Variants in GRID2 observed in about 807,000 individuals in gnomAD.
The protein encoded by GRID2 is glutamate ionotropic receptor delta type subunit 2.
Under a neutral mutation model 114.8 loss-of-function variants are expected in GRID2, and 33 were observed. The observed-to-expected ratio is 0.29, with a 90% CI of 0.22 to 0.38. The LOEUF is 0.38. Ranked by LOEUF, GRID2 falls within the 10% of genes least tolerant of loss-of-function variation. GRID2 has a pLI of 1.00. For missense variants in GRID2, 1,184 were observed against 1,257.7 expected (o/e 0.94, Z 0.89); for synonymous variants, 505 against 449.9 (o/e 1.12, Z -1.55).
chr4:92,530,104 G>C (rs978686119), intron 1 of GRID2, among the ~76,000 whole-genome samples: 3 of 151,846 alleles, frequency 2.0e-5, no homozygotes, highest in African/African-American at 7.3e-5. Flanking sequence ...TTTACTCTAG[G>C]TACTGATTTT....
chr4:92,698,469 T>A (rs907288084), intron 2 of GRID2, among the ~76,000 whole-genome samples: 1 of 151,874 alleles, frequency 6.6e-6, no homozygotes, highest in African/African-American at 2.4e-5. Flanking sequence ...AAGAAAAAAA[T>A]TAATAAAAAT....
intron 2 of GRID2, among the ~76,000 whole-genome samples, chr4:93,073,325 C>A (rs1560849667): frequency 6.6e-6 from 1 of 152,074 alleles, no homozygotes; most frequent in Non-Finnish European, 1.5e-5. Context: ...ATAATGTAAA[C>A]TTATGGTATT....
intron 9 of GRID2, among the ~76,000 whole-genome samples, chr4:93,407,987 C>A (rs2149348334): frequency 6.6e-6 from 1 of 152,032 alleles, no homozygotes; most frequent in East Asian, 1.9e-4. Flanking sequence ...ATGTACTTTG[C>A]AATTCAATTA....
rs540534441 is a variant in GRID2 at position 92,602,810 on chromosome 4, G to A, written c.244+12524G>A. On this transcript the variant is annotated intron_variant, in intron 2 of 15. Coordinates refer to ENST00000282020, the MANE Select transcript of GRID2 (RefSeq NM_001510.4). ...GATCTTCTATCTAGAAAACCCCATC[G>A]TCTTAGTCCAAAAGCTTCTTAAGCT... 3.0e-4 allele frequency among the ~76,000 whole-genome samples: 45 copies of A among 152,236 alleles called. No homozygotes were observed. In the South Asian group the frequency reaches 3.9e-3, roughly 13 times the overall value.
intron 13 of GRID2, among the ~76,000 whole-genome samples, chr4:93,569,015 C>T (rs1735691466): frequency 6.6e-6 from 1 of 152,110 alleles, no homozygotes; most frequent in Non-Finnish European, 1.5e-5. Flanking sequence ...GCTGCTTTGC[C>T]AAAATCCGAT....
chr4:92,955,443 G>A (rs1161018233), intron 2 of GRID2, among the ~76,000 whole-genome samples: 1 of 151,958 alleles, frequency 6.6e-6, no homozygotes, highest in Non-Finnish European at 1.5e-5. Flanking sequence ...CATGTCCTTT[G>A]CCCACTTTTT....
chr4:92,418,824 G>T (rs1731749233), intron 1 of GRID2, among the ~76,000 whole-genome samples: 1 of 151,906 alleles, frequency 6.6e-6, no homozygotes, highest in African/African-American at 2.4e-5. Flanking sequence ...CATTTCTCTG[G>T]CCTCATATTT....
At chr4:92,961,673 C>G (rs1446071515) in intron 2 of GRID2, among the ~76,000 whole-genome samples, 1 of 151,296 alleles carries the variant, frequency 6.6e-6, no homozygotes, top group East Asian at 2.0e-4. Flanking sequence ...ATCTTGCTTG[C>G]TGTTCTCTGA....
At chr4:92,364,648 A>G (rs1400551939) in intron 1 of GRID2, among the ~76,000 whole-genome samples, 1 of 152,010 alleles carries the variant, frequency 6.6e-6, no homozygotes, top group Non-Finnish European at 1.5e-5. Context: ...AGACTTACTG[A>G]TGATACCACC....
At chr4:92,704,744 T>TCTCC (rs1734872809) in intron 2 of GRID2, among the ~76,000 whole-genome samples, 2 of 147,538 alleles carry the variant, frequency 1.4e-5, no homozygotes, top group Admixed American at 1.4e-4. Flanking sequence ...TCTCTCTCTC[T>TCTCC]CCCTCCCTCT....
rs530136009 is a variant in GRID2 at position 93,301,421 on chromosome 4, G to A, written c.1245+62931G>A. The stretch of plus-strand genomic sequence containing the variant: ...ATTTTTTACTTTCAAGTTTAAACTG[G>A]GATTCGTTAAAAGTTAACATGAAGA... On this transcript the variant is annotated intron_variant, in intron 8 of 15. Coordinates refer to ENST00000282020, the MANE Select transcript of GRID2 (RefSeq NM_001510.4). Among the ~76,000 whole-genome samples the A allele has an allele frequency of 7.9e-5, 12 of 152,056 alleles. No homozygotes were observed. In the South Asian group the frequency reaches 2.1e-3, roughly 26 times the overall value.
chr4:92,428,238 G>A (rs2110336139), intron 1 of GRID2, among the ~76,000 whole-genome samples: 1 of 151,980 alleles, frequency 6.6e-6, no homozygotes, highest in South Asian at 2.1e-4. Flanking sequence ...CTCCAGCCTG[G>A]GCAACAGAAC....
At chr4:92,643,568 C>T (rs979098751) in intron 2 of GRID2, among the ~76,000 whole-genome samples, 28 of 151,782 alleles carry the variant, frequency 1.8e-4, no homozygotes, top group African/African-American at 3.1e-4. Context: ...AAATCAAGAA[C>T]GCAATCTCAT....
chr4:92,705,223 C>A (rs947539175), intron 2 of GRID2, among the ~76,000 whole-genome samples: 1 of 152,024 alleles, frequency 6.6e-6, no homozygotes. Flanking sequence ...AGAAAAAAAT[C>A]CATCAAATAA....
intron 2 of GRID2, among the ~76,000 whole-genome samples, chr4:92,614,159 C>T (rs1729888359): frequency 6.6e-6 from 1 of 151,442 alleles, no homozygotes; most frequent in African/African-American, 2.4e-5. Flanking sequence ...ATTACGTGTG[C>T]TTTGACAAAT....
intron 2 of GRID2, among the ~76,000 whole-genome samples, chr4:92,733,888 C>A (rs71599254): frequency 0.015 from 2,218 of 152,134 alleles, 17 homozygotes; most frequent in Non-Finnish European, 0.024. Context: ...ACAGATTGTT[C>A]TACTCCCTCA....
intron 13 of GRID2, among the ~76,000 whole-genome samples, chr4:93,618,240 G>T (rs531646289): frequency 1.3e-5 from 2 of 152,168 alleles, no homozygotes; most frequent in Admixed American, 1.3e-4. Context: ...ATCCAGTTAA[G>T]TGCTCTTCTT....
chr4:93,782,858 A>G (rs796475048), intron 1 of GRID2, among the ~76,000 whole-genome samples: 1 of 152,034 alleles, frequency 6.6e-6, no homozygotes, highest in African/African-American at 2.4e-5. Flanking sequence ...CTCTTGCCTC[A>G]CAGCCTTGCT....
intron 8 of GRID2, among the ~76,000 whole-genome samples, chr4:93,298,149 C>A (rs545165454): frequency 1.3e-5 from 2 of 152,184 alleles, no homozygotes; most frequent in African/African-American, 4.8e-5. Context: ...CAGCAAACAC[C>A]ATCATCATCC....
Sources: gnomAD v4.1 joint callset for allele counts (sites outside exome capture counted in the v4.1 genomes callset) on GRCh38, gnomAD v4.1.1 for gene constraint, MANE v1.5 for transcripts, NCBI Gene and HGNC (gene_info 2026-07-23, HGNC 2026-07-21) for gene names.